Variants in LRRC63 observed in about 807,000 individuals in gnomAD.
The protein encoded by LRRC63 is leucine rich repeat containing 63.
In LRRC63, 40 loss-of-function variants were observed where a neutral mutation model predicts 49.5. The observed-to-expected ratio is 0.81, with a 90% CI of 0.63 to 1.05. LRRC63 has a LOEUF of 1.05. Among genes scored for constraint, LRRC63 ranks in the 50% least tolerant of loss-of-function variants. The pLI is 0.00. For synonymous variants in LRRC63, 191 were observed against 221.1 expected (o/e 0.86, Z 1.21); for missense variants, 636 against 663.1 (o/e 0.96, Z 0.45).
chr13:46,258,151 C>A (rs911612624), intron 7 of LRRC63, among the ~76,000 whole-genome samples: 3 of 112,332 alleles, frequency 2.7e-5, no homozygotes, highest in Admixed American at 2.1e-4. Context: ...TTTTTTGAGA[C>A]GGAGTCTTGT....
intron 5 of LRRC63, among the ~76,000 whole-genome samples, chr13:46,239,890 A>AAAAC (rs1311811433): frequency 6.6e-6 from 1 of 152,204 alleles, no homozygotes; most frequent in Non-Finnish European, 1.5e-5. Context: ...AATAGAACTA[A>AAAAC]AAACAAAAAC....
chr13:46,254,736 T>C (rs977187770), intron 7 of LRRC63, among the ~76,000 whole-genome samples: 1 of 152,170 alleles, frequency 6.6e-6, no homozygotes, highest in Non-Finnish European at 1.5e-5. Flanking sequence ...GGAAAGTGAA[T>C]GTTTGAGAGA....
At chr13:46,215,457 G>A (rs2046222513) in intron 2 of LRRC63, among the ~76,000 whole-genome samples, 1 of 115,118 alleles carries the variant, frequency 8.7e-6, no homozygotes, top group Admixed American at 9.5e-5. Flanking sequence ...TTTTGATGGG[G>A]TGGTTTGTTT....
At chr13:46,224,503 T>A (rs1038731708) in intron 2 of LRRC63, among the ~76,000 whole-genome samples, 1 of 152,228 alleles carries the variant, frequency 6.6e-6, no homozygotes, top group South Asian at 2.1e-4. Flanking sequence ...TCTAGAATTC[T>A]CTTGTATCTA....
intron 7 of LRRC63, among the ~76,000 whole-genome samples, chr13:46,259,914 A>C (rs1299434786): frequency 6.6e-6 from 1 of 152,206 alleles, no homozygotes; most frequent in Non-Finnish European, 1.5e-5. Flanking sequence ...GTAGGGCTCT[A>C]GTTTAGGCAG....
chr13:46,222,430 A>G (rs1027091919), intron 2 of LRRC63, among the ~76,000 whole-genome samples: 12 of 152,174 alleles, frequency 7.9e-5, no homozygotes, highest in African/African-American at 2.9e-4. Context: ...TTTCGAGTTG[A>G]TTGTTGTATA....
intron 4 of LRRC63, among the ~76,000 whole-genome samples, chr13:46,229,301 T>C (rs142694068): frequency 1.1e-3 from 172 of 152,368 alleles, no homozygotes; most frequent in African/African-American, 3.9e-3. Flanking sequence ...TGTAATGGAC[T>C]AACCTTACCA....
intron 4 of LRRC63, among the ~76,000 whole-genome samples, chr13:46,229,810 A>G (rs2046691791): frequency 6.6e-6 from 1 of 152,104 alleles, no homozygotes; most frequent in African/African-American, 2.4e-5. Context: ...ATTTATAGGG[A>G]AGAAAGACTT....
intron 9 of LRRC63, among the ~76,000 whole-genome samples, chr13:46,274,461 A>G (rs2047804108): frequency 1.3e-5 from 2 of 152,180 alleles, no homozygotes; most frequent in South Asian, 2.1e-4. Context: ...GGCTTGCACT[A>G]AAGTCACTCT....
At chr13:46,247,083 A>G (rs749921762) in intron 6 of LRRC63, among the ~76,000 whole-genome samples, 1 of 152,180 alleles carries the variant, frequency 6.6e-6, no homozygotes, top group Non-Finnish European at 1.5e-5. Context: ...TTTCAAGTGA[A>G]TGAACCATTA....
chr13:46,222,685 A>G (rs988519985), intron 2 of LRRC63, among the ~76,000 whole-genome samples: 3 of 151,968 alleles, frequency 2.0e-5, no homozygotes, highest in Admixed American at 2.0e-4. Context: ...TAGAAATACC[A>G]TTTGACCCAG....
intron 5 of LRRC63, 21 bp from the exon 6 acceptor site, chr13:46,246,506 T>A (rs1462658083): frequency 7.7e-7 from 1 of 1,300,888 alleles, no homozygotes; most frequent in Non-Finnish European, 1.0e-6. Context: ...TAACACCTTA[T>A]CTCTTGTCAC....
chr13:46,221,782 AG>A (rs59027411), intron 2 of LRRC63, among the ~76,000 whole-genome samples: 20,022 of 152,124 alleles, frequency 0.13, 1,813 homozygotes, highest in African/African-American at 0.25. Context: ...GGAAGAAAGA[AG>A]GGGACATTGG....
chr13:46,250,437 A>G, exon 7 of LRRC63: 1 of 1,536,576 alleles, frequency 6.5e-7, no homozygotes, highest in Non-Finnish European at 8.8e-7. Flanking sequence ...CAACAACTTG[A>G]GTTCCTTAGA....
chr13:46,261,085 C>G (rs2047606555), intron 7 of LRRC63, among the ~76,000 whole-genome samples: 1 of 152,148 alleles, frequency 6.6e-6, no homozygotes, highest in Admixed American at 6.5e-5. Flanking sequence ...CATCCAACCC[C>G]TAGGAGTCAG....
At chr13:46,213,174 T>A (rs1468856203) in intron 2 of LRRC63, 55 bp downstream of exon 2, 1 of 1,200,174 alleles carries the variant, frequency 8.3e-7, no homozygotes, top group Non-Finnish European at 1.2e-6. Context: ...TCATAGAAAT[T>A]CCTTGACTTG....
chr13:46,250,547 A>C (rs1302480278), intron 7 of LRRC63, 56 bp downstream of exon 7: 3 of 1,378,096 alleles, frequency 2.2e-6, no homozygotes, highest in African/African-American at 1.5e-5. Flanking sequence ...ATTTCGAAAA[A>C]GATCAATTTC....
At chr13:46,236,641 T>C (rs1432304952) in intron 5 of LRRC63, among the ~76,000 whole-genome samples, 3 of 152,170 alleles carry the variant, frequency 2.0e-5, no homozygotes, top group African/African-American at 4.8e-5. Flanking sequence ...AGGGCATTTG[T>C]TGCCAGTACA....
intron 5 of LRRC63, among the ~76,000 whole-genome samples, chr13:46,239,245 C>T (rs1167754570): frequency 6.6e-6 from 1 of 151,824 alleles, no homozygotes; most frequent in Non-Finnish European, 1.5e-5. Context: ...ACTAGTTAGA[C>T]TAATAAAGAA....
Sources: allele counts gnomAD v4.1 joint callset (sites outside exome capture counted in the v4.1 genomes callset), GRCh38; gene constraint gnomAD v4.1.1; transcripts MANE v1.5; gene names NCBI Gene and HGNC (gene_info 2026-07-23, HGNC 2026-07-21).